OLA1: variants seen among roughly 807,000 people sequenced by gnomAD.
OLA1 encodes the protein obg-like ATPase 1.
A neutral mutation model predicts 48.4 loss-of-function variants in OLA1; 14 were observed. The ratio of observed to expected loss-of-function variants is 0.29; its 90% CI spans 0.19 to 0.45. OLA1 has a LOEUF of 0.45. Among genes scored for constraint, OLA1 ranks in the 20% least tolerant of loss-of-function variants. The pLI, the probability that OLA1 is intolerant of heterozygous loss-of-function variation, is 1.00. For synonymous variants in OLA1, 127 were observed against 150.4 expected (o/e 0.84, Z 1.14); for missense variants, 325 against 467.1 (o/e 0.70, Z 2.80).
chr2:174,077,955 C>CA (rs1325981755), intron 10 of OLA1, among the ~76,000 whole-genome samples: 1 of 151,914 alleles, frequency 6.6e-6, no homozygotes, highest in African/African-American at 2.4e-5. Flanking sequence ...ATGCCACCAT[C>CA]AAAAAATTAA....
chr2:174,103,018 T>A (rs1431265109), intron 7 of OLA1, among the ~76,000 whole-genome samples: 2 of 152,036 alleles, frequency 1.3e-5, no homozygotes, highest in Non-Finnish European at 2.9e-5. Context: ...TGAGCAGTAG[T>A]GTGAAAGGCA....
At chr2:174,104,817 C>T (rs1685478628) in intron 7 of OLA1, among the ~76,000 whole-genome samples, 2 of 151,820 alleles carry the variant, frequency 1.3e-5, no homozygotes, top group South Asian at 4.1e-4. Context: ...ATGATAAAAA[C>T]ACATGATTTT....
chr2:174,245,197 C>T (rs1411159947), intron 2 of OLA1, among the ~76,000 whole-genome samples: 1 of 152,154 alleles, frequency 6.6e-6, no homozygotes, highest in Non-Finnish European at 1.5e-5. Context: ...TGATAGCACC[C>T]TACAGTATTT....
chr2:174,123,055 T>G, intron 7 of OLA1, 125 bp downstream of exon 7: 1 of 577,606 alleles, frequency 1.7e-6, no homozygotes, highest in Non-Finnish European at 3.1e-6. Flanking sequence ...TCATCCATTT[T>G]AAACTTTTTA....
intron 4 of OLA1, among the ~76,000 whole-genome samples, chr2:174,173,935 G>A (rs951913159): frequency 1.3e-5 from 2 of 148,748 alleles, no homozygotes; most frequent in African/African-American, 2.5e-5. Flanking sequence ...TACCAAAACT[G>A]AACTAAGAAG....
At chr2:174,184,564 G>A (rs1030963014) in intron 4 of OLA1, among the ~76,000 whole-genome samples, 2 of 152,174 alleles carry the variant, frequency 1.3e-5, no homozygotes, top group Non-Finnish European at 2.9e-5. Context: ...TTGAATCCTG[G>A]ACCGGAAAAA....
chr2:174,224,262 G>C (rs1332594334), intron 3 of OLA1, among the ~76,000 whole-genome samples: 2 of 152,070 alleles, frequency 1.3e-5, no homozygotes, highest in African/African-American at 4.8e-5. Flanking sequence ...CACAGTGACT[G>C]CCTCCCCAGC....
intron 4 of OLA1, among the ~76,000 whole-genome samples, chr2:174,146,508 CATGA>C (rs1460273625): frequency 1.6e-4 from 25 of 152,242 alleles, no homozygotes; most frequent in Non-Finnish European, 1.0e-4. Flanking sequence ...GATGTAAGAT[CATGA>C]ATGAAGATAT....
intron 4 of OLA1, among the ~76,000 whole-genome samples, chr2:174,220,197 T>C (rs1380746898): frequency 6.6e-6 from 1 of 152,164 alleles, no homozygotes; most frequent in East Asian, 1.9e-4. Flanking sequence ...ATGGTGAACT[T>C]AATCACATCC....
chr2:174,117,774 C>T (rs1411537558), intron 7 of OLA1, among the ~76,000 whole-genome samples: 1 of 152,136 alleles, frequency 6.6e-6, no homozygotes, highest in Non-Finnish European at 1.5e-5. Context: ...TCAAATCCTA[C>T]AAACTATCTT....
At chr2:174,215,061 A>AG (rs1186734780) in intron 4 of OLA1, among the ~76,000 whole-genome samples, 2 of 152,016 alleles carry the variant, frequency 1.3e-5, no homozygotes, top group African/African-American at 4.8e-5. Flanking sequence ...AAAAAAAAAA[A>AG]GAATTTTTAA....
chr2:174,212,810 C>T (rs1285159165), intron 4 of OLA1, among the ~76,000 whole-genome samples: 1 of 152,170 alleles, frequency 6.6e-6, no homozygotes, highest in Non-Finnish European at 1.5e-5. Context: ...CATCTTGTCC[C>T]ACTGGAAGGT....
intron 4 of OLA1, among the ~76,000 whole-genome samples, chr2:174,180,596 A>T (rs1687510674): frequency 2.0e-5 from 3 of 152,232 alleles, no homozygotes; most frequent in African/African-American, 4.8e-5. Flanking sequence ...TTTCCTAAAG[A>T]CAGTCATGCT....
chr2:174,169,187 T>C (rs1166765839), intron 4 of OLA1, among the ~76,000 whole-genome samples: 4 of 152,138 alleles, frequency 2.6e-5, no homozygotes, highest in Admixed American at 2.6e-4. Context: ...CCTCATGATC[T>C]GCCTGCCTTG....
intron 5 of OLA1, among the ~76,000 whole-genome samples, chr2:174,132,549 AT>A (rs1686209402): frequency 6.6e-6 from 1 of 152,134 alleles, no homozygotes; most frequent in Non-Finnish European, 1.5e-5. Context: ...TTGCATGTTT[AT>A]TATCATAAAC....
At chr2:174,101,240 G>C (rs1349738755) in intron 7 of OLA1, among the ~76,000 whole-genome samples, 1 of 152,084 alleles carries the variant, frequency 6.6e-6, no homozygotes, top group Non-Finnish European at 1.5e-5. Context: ...TTCAATTATG[G>C]TTATAATCTG....
intron 4 of OLA1, among the ~76,000 whole-genome samples, chr2:174,180,398 C>A (rs1687505931): frequency 6.6e-6 from 1 of 152,086 alleles, no homozygotes; most frequent in Non-Finnish European, 1.5e-5. Flanking sequence ...AGAAATCCAG[C>A]CATATAATCT....
chr2:174,238,486 T>G (rs1688912403), intron 2 of OLA1, among the ~76,000 whole-genome samples: 1 of 115,930 alleles, frequency 8.6e-6, no homozygotes, highest in South Asian at 3.4e-4. Flanking sequence ...AGAGTGAGAC[T>G]CTATGTCCAA....
At position 174,219,423 on chromosome 2, in the gene OLA1, C is replaced by T. The variant is rs1242073128; in HGVS notation, c.373+3610G>A. 4.7e-3 allele frequency among the ~76,000 whole-genome samples: 447 copies of T among 94,998 alleles called. 9 individuals carry two copies. Among genetic ancestry groups the T allele is most frequent in the African/African-American group, 0.018 (421 of 23,016 alleles). The allele number at this position is 94,998 out of a possible 152,430, so 62.3% of individuals were successfully genotyped here. Reference sequence around the variant, plus strand: ...TGGCAACTTACTCCATTTTATTTCCCTTTTTTTTTTTTTTTTTTTTTTTTT... The same window carrying T: ...TGGCAACTTACTCCATTTTATTTCCTTTTTTTTTTTTTTTTTTTTTTTTTT... On this transcript the variant is annotated intron_variant, in intron 4 of 10. Transcript: ENST00000284719.
Sources: allele counts gnomAD v4.1 joint callset (sites outside exome capture counted in the v4.1 genomes callset), GRCh38; gene constraint gnomAD v4.1.1; transcripts MANE v1.5; gene names NCBI Gene and HGNC (gene_info 2026-07-23, HGNC 2026-07-21).